Variants in ARHGAP28 observed in about 807,000 individuals in gnomAD.
ARHGAP28 encodes the protein rho GTPase-activating protein 28.
Under a neutral mutation model 90.7 loss-of-function variants are expected in ARHGAP28, and 56 were observed. The ratio of observed to expected loss-of-function variants is 0.62; its 90% CI spans 0.50 to 0.77. ARHGAP28 has a LOEUF of 0.77. ARHGAP28 is among the 30% of genes least tolerant of loss of function. ARHGAP28 has a pLI of 0.00. For missense variants in ARHGAP28, 869 were observed against 900.9 expected, an observed-to-expected ratio of 0.96 and a Z score of 0.45; for synonymous variants, 308 against 323.3, an observed-to-expected ratio of 0.95 and a Z score of 0.51.
chr18:6,758,958 A>G (rs1038097342), intron 1 of ARHGAP28, among the ~76,000 whole-genome samples: 1 of 152,210 alleles, frequency 6.6e-6, no homozygotes, highest in African/African-American at 2.4e-5. Flanking sequence ...ATTTTTATTA[A>G]TGAGCTTTAA....
At chr18:6,772,150 T>G (rs919599354) in intron 1 of ARHGAP28, among the ~76,000 whole-genome samples, 1 of 152,212 alleles carries the variant, frequency 6.6e-6, no homozygotes, top group Non-Finnish European at 1.5e-5. Flanking sequence ...AAAAAAGGAC[T>G]TTAGGTATAC....
chr18:6,869,253 C>CTT (rs61280250), intron 6 of ARHGAP28, among the ~76,000 whole-genome samples: 291 of 67,902 alleles, frequency 4.3e-3, no homozygotes, highest in East Asian at 8.6e-3. Flanking sequence ...TTTTGCCATT[C>CTT]TTTTTTTTTT....
chr18:6,763,343 A>G (rs529022511), intron 1 of ARHGAP28, among the ~76,000 whole-genome samples: 5 of 152,232 alleles, frequency 3.3e-5, no homozygotes, highest in African/African-American at 1.2e-4. Context: ...TCAGCTTCCC[A>G]AAGTGCTTGG....
chr18:6,885,634 TATTA>T (rs1469290156), intron 11 of ARHGAP28, among the ~76,000 whole-genome samples: 3 of 152,150 alleles, frequency 2.0e-5, no homozygotes, highest in Non-Finnish European at 4.4e-5. Context: ...ACTACAAAAC[TATTA>T]ATCACAAAAC....
intron 2 of ARHGAP28, among the ~76,000 whole-genome samples, chr18:6,825,634 G>A (rs2056657044): frequency 6.6e-6 from 1 of 152,084 alleles, no homozygotes; most frequent in Non-Finnish European, 1.5e-5. Flanking sequence ...AGTCTGCAGT[G>A]TCTATTGTGC....
At chr18:6,890,208 G>A (rs1473374373) in intron 13 of ARHGAP28, 123 bp downstream of exon 13, 3 of 1,115,312 alleles carry the variant, frequency 2.7e-6, no homozygotes, top group Non-Finnish European at 3.9e-6. Flanking sequence ...ACCCCAGGTG[G>A]CTGTGACAGC....
chr18:6,831,255 T>G (rs974428690), intron 2 of ARHGAP28, among the ~76,000 whole-genome samples: 3 of 152,184 alleles, frequency 2.0e-5, no homozygotes, highest in South Asian at 2.1e-4. Flanking sequence ...TGACTATTTT[T>G]TAAAACTTTT....
chr18:6,743,114 A>C (rs1296872938), intron 1 of ARHGAP28, among the ~76,000 whole-genome samples: 11 of 152,178 alleles, frequency 7.2e-5, no homozygotes, highest in Admixed American at 7.2e-4. Context: ...AGTGAGAAGG[A>C]AGAGAGAGAA....
At position 6,870,720 on chromosome 18, in the gene ARHGAP28, C is replaced by G. The variant is rs151056858; in HGVS notation, c.942C>G (p.Asp314Glu). The change falls in exon 7 of 18, where the codon GAC becomes GAG. Residue 314 changes from aspartate to glutamate, a missense_variant. By Grantham distance (45) the Asp-to-Glu change is conservative. Transcript: ENST00000383472. ...KLKKSEIKKE[D>E]YVLTKFNVQK... ...AGAAATCAGAGATTAAGAAAGAAGA[C>G]TATGTTTTAACTGTAAGCAAAACCT... is the stretch of plus-strand genomic sequence containing the variant. 2 of 1,607,518 alleles carry G rather than the reference C, an allele frequency of 1.2e-6. No homozygotes were observed. Among genetic ancestry groups the G allele is most frequent in the Non-Finnish European group, 1.7e-6 (2 of 1,178,280 alleles).
chr18:6,873,004 A>G (rs529532182), intron 7 of ARHGAP28, among the ~76,000 whole-genome samples: 3 of 152,080 alleles, frequency 2.0e-5, no homozygotes, highest in Admixed American at 1.3e-4. Flanking sequence ...AAAAAAAAAC[A>G]TATGTTTAGA....
chr18:6,829,707 A>G (rs2143813534), intron 2 of ARHGAP28, among the ~76,000 whole-genome samples: 1 of 152,240 alleles, frequency 6.6e-6, no homozygotes, highest in Non-Finnish European at 1.5e-5. Context: ...CATGGCTCCC[A>G]TGTTTTTGCA....
At chr18:6,822,285 C>T (rs2056631988) in intron 1 of ARHGAP28, among the ~76,000 whole-genome samples, 1 of 151,744 alleles carries the variant, frequency 6.6e-6, no homozygotes, top group Non-Finnish European at 1.5e-5. Flanking sequence ...GCCGAAAAAA[C>T]CTAGAACTAA....
intron 1 of ARHGAP28, among the ~76,000 whole-genome samples, chr18:6,807,211 G>A (rs373681694): frequency 6.6e-6 from 1 of 151,884 alleles, no homozygotes; most frequent in African/African-American, 2.4e-5. Flanking sequence ...CAGTATTTTC[G>A]CTGGCTTCTT....
At chr18:6,812,484 G>A (rs890282174) in intron 1 of ARHGAP28, among the ~76,000 whole-genome samples, 3 of 152,140 alleles carry the variant, frequency 2.0e-5, no homozygotes, top group African/African-American at 7.2e-5. Context: ...TAACATTACT[G>A]GAAAATGAGC....
At chr18:6,911,843 T>C (rs998261372) in intron 17 of ARHGAP28, among the ~76,000 whole-genome samples, 1 of 151,526 alleles carries the variant, frequency 6.6e-6, no homozygotes, top group Non-Finnish European at 1.5e-5. Flanking sequence ...GATATACCCA[T>C]ACTTCACAGT....
At chr18:6,851,824 A>G (rs2056912919) in intron 4 of ARHGAP28, among the ~76,000 whole-genome samples, 3 of 152,220 alleles carry the variant, frequency 2.0e-5, no homozygotes, top group African/African-American at 7.2e-5. Flanking sequence ...ACAAAATGAT[A>G]GAAAATGTAA....
intron 1 of ARHGAP28, among the ~76,000 whole-genome samples, chr18:6,775,136 T>A (rs1219808132): frequency 6.6e-6 from 1 of 152,250 alleles, no homozygotes; most frequent in South Asian, 2.1e-4. Context: ...ACCTTGTCAA[T>A]GACTCTTTGT....
At chr18:6,771,664 A>T (rs957147495) in intron 1 of ARHGAP28, among the ~76,000 whole-genome samples, 2 of 152,192 alleles carry the variant, frequency 1.3e-5, no homozygotes, top group Admixed American at 6.5e-5. Flanking sequence ...TAGTGACCTG[A>T]ACTGGATTCA....
chr18:6,828,196 C>T (rs894317644), intron 2 of ARHGAP28, among the ~76,000 whole-genome samples: 8 of 152,194 alleles, frequency 5.3e-5, no homozygotes, highest in Admixed American at 1.3e-4. Flanking sequence ...CAAAAAAATA[C>T]GAAAACCAGT....
Sources: allele counts gnomAD v4.1 joint callset (sites outside exome capture counted in the v4.1 genomes callset), GRCh38; gene constraint gnomAD v4.1.1; transcripts MANE v1.5; gene names NCBI Gene and HGNC (gene_info 2026-07-23, HGNC 2026-07-21).